Variants in PEMT observed in about 807,000 individuals in gnomAD.
PEMT encodes the protein phospholipid methyltransferase.
A neutral mutation model predicts 27.4 loss-of-function variants in PEMT; 23 were observed. The observed-to-expected ratio is 0.84, with a 90% CI of 0.60 to 1.19. The LOEUF (loss-of-function observed/expected upper bound fraction) is 1.19. Among genes scored for constraint, PEMT ranks in the 50% most tolerant of loss-of-function variants. The pLI, the probability that PEMT is intolerant of heterozygous loss-of-function variation, is 0.00. For missense variants in PEMT, 307 were observed against 310.1 expected (o/e 0.99, Z 0.07); for synonymous variants, 137 against 139.1 (o/e 0.98, Z 0.11).
At chr17:17,579,041 C>T (rs1051931502) in intron 1 of PEMT, among the ~76,000 whole-genome samples, 2 of 152,164 alleles carry the variant, frequency 1.3e-5, no homozygotes, top group Non-Finnish European at 2.9e-5. Flanking sequence ...TTTGGAAATA[C>T]AGTAAATTCC....
intron 1 of PEMT, among the ~76,000 whole-genome samples, chr17:17,588,963 G>A (rs1233211719): frequency 6.6e-6 from 1 of 152,214 alleles, no homozygotes; most frequent in Non-Finnish European, 1.5e-5. Flanking sequence ...TCTTTGGGTT[G>A]TTTGTTTTTG....
chr17:17,588,151 C>T (rs148072830), intron 1 of PEMT, among the ~76,000 whole-genome samples: 201 of 152,274 alleles, frequency 1.3e-3, no homozygotes, highest in Middle Eastern at 6.8e-3. Flanking sequence ...TGAGCAGCCA[C>T]GGAAAGCCTC....
chr17:17,579,417 C>T (rs1278012842), intron 1 of PEMT, among the ~76,000 whole-genome samples: 2 of 152,206 alleles, frequency 1.3e-5, no homozygotes, highest in African/African-American at 4.8e-5. Flanking sequence ...GTGGCTCATG[C>T]CTATAATCCC....
chr17:17,547,775 AG>A (rs1394401120), intron 2 of PEMT, among the ~76,000 whole-genome samples: 3 of 152,088 alleles, frequency 2.0e-5, no homozygotes, highest in African/African-American at 7.2e-5. Context: ...AGGACCTCCA[AG>A]CGCCCGTGAA....
chr17:17,551,858 C>T (rs1205732940), intron 2 of PEMT, among the ~76,000 whole-genome samples: 1 of 152,148 alleles, frequency 6.6e-6, no homozygotes, highest in Non-Finnish European at 1.5e-5. Flanking sequence ...GAGACTGAGA[C>T]GGACGGTTAA....
intron 2 of PEMT, among the ~76,000 whole-genome samples, chr17:17,527,068 G>A (rs1250740724): frequency 6.6e-6 from 1 of 152,122 alleles, no homozygotes; most frequent in Non-Finnish European, 1.5e-5. Flanking sequence ...ACGGAGTTTC[G>A]CTCTTGTTGC....
At chr17:17,584,792 G>A (rs1912155172) in intron 1 of PEMT, among the ~76,000 whole-genome samples, 1 of 152,260 alleles carries the variant, frequency 6.6e-6, no homozygotes, top group South Asian at 2.1e-4. Flanking sequence ...GCAGAACAGA[G>A]TGCTGATGAG....
chr17:17,525,197 C>A (rs1907581839), intron 2 of PEMT, among the ~76,000 whole-genome samples: 1 of 152,198 alleles, frequency 6.6e-6, no homozygotes, highest in Non-Finnish European at 1.5e-5. Context: ...CCCCAACAGA[C>A]CCAGGCCACA....
At chr17:17,560,361 G>GCCAGGTCCTGGA (rs773978523) in intron 2 of PEMT, among the ~76,000 whole-genome samples, 5 of 152,234 alleles carry the variant, frequency 3.3e-5, no homozygotes, top group Non-Finnish European at 5.9e-5. Context: ...GCCAGCCGGG[G>GCCAGGTCCTGGA]CCAGGTCCTG....
At chr17:17,591,923 A>G, upstream of PEMT, 1 of 985,376 alleles carries the variant, frequency 1.0e-6, no homozygotes, top group Non-Finnish European at 1.2e-6. Flanking sequence ...CCTCCCGCCC[A>G]GTGCCTTTGG....
intron 2 of PEMT, among the ~76,000 whole-genome samples, chr17:17,526,542 C>G (rs1907683309): frequency 6.6e-6 from 1 of 152,258 alleles, no homozygotes; most frequent in Non-Finnish European, 1.5e-5. Flanking sequence ...GAGCGCCCGT[C>G]TCTCCCCCTA....
In PEMT at chr17:17,523,987, A is replaced by T. The variant is rs1211189186; in HGVS notation, c.205-1592T>A. 6.6e-6 allele frequency among the ~76,000 whole-genome samples: 1 copy of T among 151,984 alleles called. No individual in the cohort carries two copies. The highest frequency in any genetic ancestry group is 2.4e-5 in the African/African-American group (1 of 41,364). The stretch of plus-strand genomic sequence containing the variant: ...GTTGCTATGGATTCACCTATTCTGG[A>T]CGTTTCATATAAACTGAATCACACA... On this transcript the variant is annotated intron_variant, in intron 2 of 6. Transcript: ENST00000255389. The surrounding 1 kb of genome is among the most constrained non-coding windows in gnomAD (Gnocchi z 4.8).
At chr17:17,540,260 C>A (rs965082788) in intron 2 of PEMT, among the ~76,000 whole-genome samples, 1 of 152,236 alleles carries the variant, frequency 6.6e-6, no homozygotes, top group East Asian at 1.9e-4. Flanking sequence ...CGACAGAAGA[C>A]CCCCAACATG....
intron 2 of PEMT, among the ~76,000 whole-genome samples, chr17:17,573,874 T>C (rs1278274014): frequency 6.6e-6 from 1 of 152,154 alleles, no homozygotes; most frequent in Non-Finnish European, 1.5e-5. Context: ...CTCGACCTCC[T>C]GGGTTCAAGT....
Position 17,532,934 on chromosome 17 carries a change from G to C in PEMT, c.205-10539C>G, listed in dbSNP as rs145877187. On this transcript the variant is annotated intron_variant, in intron 2 of 6. Coordinates refer to ENST00000255389, the MANE Select transcript of PEMT (RefSeq NM_148172.3). ...CCCAGCTACTCGTAAGGCTGAGGCA[G>C]GAGAATCGCTTGAACTCGGGAGGCA... Among the ~76,000 whole-genome samples the C allele has an allele frequency of 4.1e-4, 63 of 152,366 alleles. No homozygotes were observed. The Middle Eastern group carries it at 0.017, about 41-fold the overall frequency.
chr17:17,585,188 A>T (rs113695112), intron 1 of PEMT, among the ~76,000 whole-genome samples: 1,847 of 152,272 alleles, frequency 0.012, 45 homozygotes, highest in African/African-American at 0.042. Context: ...ACATACAAAA[A>T]TTAGCCGGGC....
intron 2 of PEMT, among the ~76,000 whole-genome samples, chr17:17,533,734 C>CT (rs35298651): frequency 4.9e-4 from 72 of 145,768 alleles, no homozygotes; most frequent in East Asian, 1.4e-3. Context: ...CAGTGTCTCT[C>CT]TTTTTTTTTT....
intron 2 of PEMT, among the ~76,000 whole-genome samples, chr17:17,556,280 G>A (rs939032112): frequency 3.3e-5 from 5 of 152,338 alleles, no homozygotes; most frequent in African/African-American, 1.2e-4. Flanking sequence ...CAAGAGAGAA[G>A]GGCCTGGCCC....
chr17:17,535,690 G>A (rs1366482276), intron 2 of PEMT, among the ~76,000 whole-genome samples: 1 of 152,234 alleles, frequency 6.6e-6, no homozygotes, highest in Non-Finnish European at 1.5e-5. Flanking sequence ...AAAGGAAGCA[G>A]ACAGGAGTGA....
Sources: gnomAD v4.1 joint callset for allele counts (sites outside exome capture counted in the v4.1 genomes callset) on GRCh38, gnomAD v4.1.1 for gene constraint, Gnocchi (gnomAD v3.1) non-coding constraint, MANE v1.5 for transcripts, NCBI Gene and HGNC (gene_info 2026-07-23, HGNC 2026-07-21) for gene names.